Variants in NKAIN3 observed in about 807,000 individuals in gnomAD.
NKAIN3 encodes sodium/potassium transporting ATPase interacting 3.
Under a neutral mutation model 30.2 loss-of-function variants are expected in NKAIN3, and 25 were observed. The ratio of observed to expected loss-of-function variants is 0.83; its 90% confidence interval spans 0.60 to 1.16. The LOEUF (loss-of-function observed/expected upper bound fraction) is 1.16. NKAIN3 is among the 50% of genes most tolerant of loss of function. NKAIN3 has a pLI of 0.00. For synonymous variants in NKAIN3, 91 were observed against 89.6 expected (o/e 1.02, Z -0.09); for missense variants, 225 against 254.1 (o/e 0.89, Z 0.78).
intron 3 of NKAIN3, among the ~76,000 whole-genome samples, chr8:62,636,677 A>G (rs1812140670): frequency 6.6e-6 from 1 of 152,176 alleles, no homozygotes; most frequent in South Asian, 2.1e-4. Flanking sequence ...TTCATTGATG[A>G]AACTTCTTTT....
intron 1 of NKAIN3, among the ~76,000 whole-genome samples, chr8:62,501,414 G>C (rs565299446): frequency 1.8e-3 from 281 of 151,950 alleles, no homozygotes; most frequent in Non-Finnish European, 1.0e-3. Context: ...TTTTCTTCAG[G>C]GCTGGTATTC....
In NKAIN3 at chr8:62,968,665, C is replaced by T. The variant is rs1334319458; in HGVS notation, c.*3258C>T. ...TGACTGGAATGGTGAACATTTAAAG[C>T]CAGTGTTTTTCCTCTTGGAGCCACC... On this transcript the variant is annotated 3_prime_UTR_variant, in exon 7 of 7. Transcript: ENST00000623646. 6.6e-6 allele frequency among the ~76,000 whole-genome samples: 1 copy of T among 152,144 alleles called. No homozygotes were observed. The highest frequency in any genetic ancestry group is 2.4e-5 in the African/African-American group (1 of 41,422).
chr8:62,717,139 AAG>A (rs1209895039), intron 3 of NKAIN3, among the ~76,000 whole-genome samples: 1 of 152,230 alleles, frequency 6.6e-6, no homozygotes, highest in Non-Finnish European at 1.5e-5. Context: ...TAGAGCTGAA[AAG>A]AGTTTCATAC....
At chr8:62,955,545 A>T (rs970752266) in intron 6 of NKAIN3, among the ~76,000 whole-genome samples, 1 of 152,134 alleles carries the variant, frequency 6.6e-6, no homozygotes, top group African/African-American at 2.4e-5. Flanking sequence ...GAAAAAAAAA[A>T]CTCAGCAGAG....
In NKAIN3 at chr8:62,365,901, G is replaced by T. The variant is rs73259213; in HGVS notation, c.54+116774G>T. On this transcript the variant is annotated intron_variant, in intron 1 of 6. Transcript: ENST00000623646. ...TATGTATTTTTTAAAAATTTTAAGG[G>T]TAATACTGGCCTCCTAAAGTAAATT... Among the ~76,000 whole-genome samples the T allele has an allele frequency of 2.1e-3, 319 of 152,160 alleles. 2 individuals carry two copies. The highest frequency in any genetic ancestry group is 7.3e-3 in the African/African-American group (305 of 41,546).
chr8:62,410,034 A>T (rs535627172), intron 1 of NKAIN3, among the ~76,000 whole-genome samples: 2 of 152,180 alleles, frequency 1.3e-5, no homozygotes, highest in African/African-American at 4.8e-5. Context: ...GGTTTGTTAC[A>T]TGGGTACATT....
At chr8:62,274,522 T>C (rs1812871801) in intron 1 of NKAIN3, among the ~76,000 whole-genome samples, 1 of 152,186 alleles carries the variant, frequency 6.6e-6, no homozygotes, top group Admixed American at 6.6e-5. Flanking sequence ...TTTTTTTCTA[T>C]TTAAACAAAG....
chr8:62,513,033 G>A (rs1177851783), intron 1 of NKAIN3, among the ~76,000 whole-genome samples: 2 of 152,012 alleles, frequency 1.3e-5, no homozygotes, highest in Non-Finnish European at 2.9e-5. Context: ...GGCATCATGA[G>A]ATCCACTTTT....
At chr8:62,614,196 G>A (rs1811377904) in intron 3 of NKAIN3, among the ~76,000 whole-genome samples, 2 of 152,088 alleles carry the variant, frequency 1.3e-5, no homozygotes, top group East Asian at 1.9e-4. Flanking sequence ...AAGGACTTGG[G>A]TATTGTGATC....
At chr8:62,854,659 T>G (rs1820008459) in intron 4 of NKAIN3, among the ~76,000 whole-genome samples, 1 of 152,196 alleles carries the variant, frequency 6.6e-6, no homozygotes, top group African/African-American at 2.4e-5. Flanking sequence ...GGTTTGCCAT[T>G]CTGTGTCTTT....
intron 1 of NKAIN3, among the ~76,000 whole-genome samples, chr8:62,544,442 TA>T (rs1201299030): frequency 6.6e-6 from 1 of 152,170 alleles, no homozygotes; most frequent in African/African-American, 2.4e-5. Context: ...CACAACTATA[TA>T]AGACATTTAA....
intron 4 of NKAIN3, among the ~76,000 whole-genome samples, chr8:62,882,286 AT>A (rs1223182936): frequency 2.6e-5 from 4 of 152,044 alleles, no homozygotes; most frequent in African/African-American, 9.7e-5. Context: ...TTCAAGGAAC[AT>A]GTTTTTGGTG....
chr8:62,900,089 T>C (rs1396548154), intron 4 of NKAIN3, among the ~76,000 whole-genome samples: 1 of 151,990 alleles, frequency 6.6e-6, no homozygotes, highest in Non-Finnish European at 1.5e-5. Flanking sequence ...TGATTTCTAT[T>C]GATTTGAACA....
At chr8:62,824,172 GACATT>G (rs1818944788) in intron 4 of NKAIN3, among the ~76,000 whole-genome samples, 3 of 152,140 alleles carry the variant, frequency 2.0e-5, no homozygotes, top group Non-Finnish European at 4.4e-5. Context: ...TAGAGGACAT[GACATT>G]GGGTCAGACA....
chr8:62,712,185 G>A (rs916952667), intron 3 of NKAIN3, among the ~76,000 whole-genome samples: 3 of 152,148 alleles, frequency 2.0e-5, no homozygotes, highest in Admixed American at 1.3e-4. Flanking sequence ...AGTTTTGGTG[G>A]TTTAATGCTC....
chr8:62,726,008 T>C (rs1186605943), intron 3 of NKAIN3, among the ~76,000 whole-genome samples: 4 of 152,084 alleles, frequency 2.6e-5, no homozygotes, highest in African/African-American at 9.6e-5. Context: ...GTGTGATCTC[T>C]TCAGCTTCTT....
chr8:62,676,635 A>G (rs767284704), intron 3 of NKAIN3, among the ~76,000 whole-genome samples: 2 of 152,120 alleles, frequency 1.3e-5, no homozygotes. Flanking sequence ...AAAACTAAAA[A>G]TATCTCTAAC....
intron 4 of NKAIN3, among the ~76,000 whole-genome samples, chr8:62,771,143 A>G (rs2130636156): frequency 6.6e-6 from 1 of 152,258 alleles, no homozygotes; most frequent in South Asian, 2.1e-4. Flanking sequence ...AAATAATAAA[A>G]GTGGTCTGGC....
At chr8:62,345,294 CACAT>C (rs1398690612) in intron 1 of NKAIN3, among the ~76,000 whole-genome samples, 94 of 142,222 alleles carry the variant, frequency 6.6e-4, no homozygotes, top group African/African-American at 2.4e-3. Context: ...CACATATACA[CACAT>C]ATATATGTAT....
Sources: allele counts gnomAD v4.1 joint callset (sites outside exome capture counted in the v4.1 genomes callset), GRCh38; gene constraint gnomAD v4.1.1; transcripts MANE v1.5; gene names NCBI Gene and HGNC (gene_info 2026-07-23, HGNC 2026-07-21).